Variants in XRCC4 observed in about 807,000 individuals in gnomAD.
XRCC4 encodes the protein DNA repair protein XRCC4.
XRCC4 carries 28 observed loss-of-function variants against 39.1 expected under a neutral mutation model. The ratio of observed to expected loss-of-function variants is 0.72; its 90% CI spans 0.53 to 0.98. The LOEUF (loss-of-function observed/expected upper bound fraction) is 0.98. Ranked by LOEUF, XRCC4 falls within the 50% of genes least tolerant of loss-of-function variation. The pLI, the probability that XRCC4 is intolerant of heterozygous loss-of-function variation, is 0.00. For synonymous variants in XRCC4, 123 were observed against 126.4 expected (o/e 0.97, Z 0.18); for missense variants, 350 against 376.4 (o/e 0.93, Z 0.58).
chr5:83,190,431 C>A (rs1473104059), intron 3 of XRCC4, among the ~76,000 whole-genome samples: 1 of 147,710 alleles, frequency 6.8e-6, no homozygotes, highest in Non-Finnish European at 1.5e-5. Flanking sequence ...AATTTAAAAG[C>A]ACTCACTGCA....
Position 83,205,848 on chromosome 5 carries a change from A to G in XRCC4, c.745+927A>G, listed in dbSNP as rs1331814246. The stretch of plus-strand genomic sequence containing the variant: ...TGAGGGTTATGATTTTAGCCAGACT[A>G]TCAGAAAAGGCCTCAGTGAGAAGGT... On this transcript the variant is annotated intron_variant, in intron 6 of 7. Coordinates refer to ENST00000396027, the MANE Select transcript of XRCC4 (RefSeq NM_003401.5). 2.2e-5 allele frequency among the ~76,000 whole-genome samples: 3 copies of G among 137,316 alleles called. No homozygotes were observed. In the East Asian group the frequency reaches 7.1e-4, roughly 33 times the overall value. The allele number at this position is 137,316 out of a possible 152,430, so 90.1% of individuals were successfully genotyped here. A position where few individuals can be genotyped will look rare whatever the true frequency, so the allele number is the denominator to read the frequency against.
intron 3 of XRCC4, among the ~76,000 whole-genome samples, chr5:83,154,875 C>T (rs549568630): frequency 9.8e-5 from 15 of 152,286 alleles, no homozygotes; most frequent in South Asian, 8.3e-4. Context: ...ATCTGGCCTG[C>T]GCCTTCATCC....
the XRCC4 span, among the ~76,000 whole-genome samples, chr5:83,359,699 C>T: frequency 3.3e-5 from 5 of 152,216 alleles, no homozygotes; most frequent in South Asian, 8.3e-4. Context: ...AATACATTCT[C>T]CAGAGAAGAT....
intron 6 of XRCC4, among the ~76,000 whole-genome samples, chr5:83,252,205 T>A (rs1460950949): frequency 1.3e-5 from 2 of 152,198 alleles, no homozygotes; most frequent in Non-Finnish European, 2.9e-5. Flanking sequence ...AAGGAATATG[T>A]GTTTTGAAGT....
intron 7 of XRCC4, among the ~76,000 whole-genome samples, chr5:83,316,091 T>A (rs535989452): frequency 6.6e-6 from 1 of 152,218 alleles, no homozygotes; most frequent in Non-Finnish European, 1.5e-5. Context: ...AGAAGTTGAT[T>A]CCAATCCTTG....
intron 7 of XRCC4, 92 bp downstream of exon 7, chr5:83,258,769 T>A (rs1753648302): frequency 1.4e-6 from 2 of 1,386,922 alleles, no homozygotes; most frequent in Admixed American, 2.5e-5. Flanking sequence ...TTTGAACGTT[T>A]TTAAAGTTAT....
intron 7 of XRCC4, among the ~76,000 whole-genome samples, chr5:83,260,553 C>T (rs1753713847): frequency 6.6e-6 from 1 of 151,916 alleles, no homozygotes; most frequent in African/African-American, 2.4e-5. Flanking sequence ...ATGTGTGAAC[C>T]AAAGGTAAGG....
At chr5:83,171,649 A>AC (rs898550044) in intron 3 of XRCC4, among the ~76,000 whole-genome samples, 8 of 152,284 alleles carry the variant, frequency 5.3e-5, no homozygotes, top group Middle Eastern at 3.4e-3. Flanking sequence ...CATTTGCCGT[A>AC]CCTACCTGTC....
chr5:83,258,665 A>G lies in XRCC4; in HGVS notation c.881A>G (p.Gln294Arg). ...PKMAPQENQL[Q>R]EKEKPDSSLP... Reference sequence around the variant, plus strand: ...ATGGCTCCTCAGGAGAATCAGCTTCAAGAAAAGGAAAAGTAAGTCATTTTA... The same window carrying G: ...ATGGCTCCTCAGGAGAATCAGCTTCGAGAAAAGGAAAAGTAAGTCATTTTA... The change falls in exon 7 of 8, where the codon CAA (glutamine) becomes CGA (arginine). Residue 294 changes from glutamine (Q) to arginine (R), a missense_variant. Coordinates refer to ENST00000396027, the MANE Select transcript of XRCC4 (RefSeq NM_003401.5). 5.6e-6 allele frequency: 9 copies of G among 1,610,452 alleles called. No homozygotes were observed. The highest frequency in any genetic ancestry group is 7.6e-6 in the Non-Finnish European group (9 of 1,178,684).
chr5:83,154,965 A>C (rs566811255), intron 3 of XRCC4, among the ~76,000 whole-genome samples: 3 of 152,138 alleles, frequency 2.0e-5, no homozygotes, highest in Admixed American at 6.5e-5. Flanking sequence ...CTCTGCAGAA[A>C]TCACACTATT....
At chr5:83,182,208 C>T (rs1750237844) in intron 3 of XRCC4, among the ~76,000 whole-genome samples, 1 of 152,086 alleles carries the variant, frequency 6.6e-6, no homozygotes, top group Admixed American at 6.6e-5. Context: ...AGCTACTCAG[C>T]ATATTTAATA....
At chr5:83,248,852 T>C (rs1040059852) in intron 6 of XRCC4, among the ~76,000 whole-genome samples, 1 of 152,180 alleles carries the variant, frequency 6.6e-6, no homozygotes, top group African/African-American at 2.4e-5. Flanking sequence ...GAGATTTTTG[T>C]TGAAAATTTT....
intron 7 of XRCC4, among the ~76,000 whole-genome samples, chr5:83,314,687 A>C (rs1298941708): frequency 6.6e-6 from 1 of 152,096 alleles, no homozygotes; most frequent in Non-Finnish European, 1.5e-5. Flanking sequence ...TATATCTGTT[A>C]TGGTTATCTG....
intron 1 of XRCC4, among the ~76,000 whole-genome samples, chr5:83,094,383 C>T (rs1315494155): frequency 2.9e-5 from 4 of 136,434 alleles, no homozygotes; most frequent in Non-Finnish European, 4.8e-5. Flanking sequence ...CTCTCTTCCC[C>T]TCCTCTCCCC....
chr5:83,187,029 C>T lies in XRCC4; in HGVS notation c.316-8741C>T, dbSNP rs1307958596. Among the ~76,000 whole-genome samples the T allele has an allele frequency of 2.5e-4, 12 of 47,878 alleles. 4 individuals are homozygous for T. Among genetic ancestry groups the T allele is most frequent in the Non-Finnish European group, 5.2e-4 (11 of 21,186 alleles). 31.4% of individuals were successfully genotyped at this position (47,878 alleles called of 152,430 possible). A position where few individuals can be genotyped will look rare whatever the true frequency, so the allele number is the denominator to read the frequency against. ...CGCGACCTCGGCTCACTGCAAGCTC[C>T]GCCTCCCGGGTTCACGCCATTCTCC... On this transcript the variant is annotated intron_variant, in intron 3 of 7. Transcript: ENST00000396027.
intron 3 of XRCC4, among the ~76,000 whole-genome samples, chr5:83,147,794 CTTTT>C (rs113614465): frequency 7.0e-6 from 1 of 143,348 alleles, no homozygotes; most frequent in Non-Finnish European, 1.5e-5. Context: ...TATTTCTTTT[CTTTT>C]TTTTTTTTTT....
intron 1 of XRCC4, among the ~76,000 whole-genome samples, chr5:83,102,177 C>T (rs1301020584): frequency 6.6e-6 from 1 of 152,054 alleles, no homozygotes; most frequent in Non-Finnish European, 1.5e-5. Flanking sequence ...TATAATACAA[C>T]TAGACTACCA....
Position 83,314,468 on chromosome 5 carries a change from A to G in XRCC4, c.894-38663A>G, listed in dbSNP as rs79047597. Among the ~76,000 whole-genome samples the G allele has an allele frequency of 9.5e-4, 145 of 152,314 alleles. 1 individual carries two copies. In the East Asian group the frequency reaches 0.025, roughly 27 times the overall value. On this transcript the variant is annotated intron_variant, in intron 7 of 7. Coordinates refer to ENST00000396027, the MANE Select transcript of XRCC4 (RefSeq NM_003401.5). ...GATATACATGATAACAGCTTTCAATAGGCAGTGTTATTTAATACAGGCATA... is the reference window on the plus strand; with the variant it reads ...GATATACATGATAACAGCTTTCAATGGGCAGTGTTATTTAATACAGGCATA...
At chr5:83,315,723 A>G (rs1266986196) in intron 7 of XRCC4, among the ~76,000 whole-genome samples, 1 of 152,144 alleles carries the variant, frequency 6.6e-6, no homozygotes, top group African/African-American at 2.4e-5. Context: ...TTGCAGGCCT[A>G]CTGTTGAGAC....
Sources: gnomAD v4.1 joint callset for allele counts (sites outside exome capture counted in the v4.1 genomes callset) on GRCh38, gnomAD v4.1.1 for gene constraint, MANE v1.5 for transcripts, NCBI Gene and HGNC (gene_info 2026-07-23, HGNC 2026-07-21) for gene names.